The following CRY2 variants were observed in gnomAD, a reference collection of about 807,000 sequenced individuals.
The protein encoded by CRY2 is cryptochrome circadian regulator 2, also known as cryptochrome-2.
A neutral mutation model predicts 69.5 loss-of-function variants in CRY2; 31 were observed. The ratio of observed to expected loss-of-function variants is 0.45; its 90% confidence interval spans 0.34 to 0.60. The LOEUF is 0.60. Among genes scored for constraint, CRY2 ranks in the 20% least tolerant of loss-of-function variants. CRY2 has a pLI of 0.02. For synonymous variants in CRY2, 303 were observed against 312.2 expected (o/e 0.97, Z 0.31); for missense variants, 606 against 797.8 (o/e 0.76, Z 2.90).
intron 1 of CRY2, among the ~76,000 whole-genome samples, chr11:45,852,430 C>G (rs1317084339): frequency 6.6e-6 from 1 of 152,226 alleles, no homozygotes; most frequent in East Asian, 1.9e-4. Flanking sequence ...AGCCTTTGCC[C>G]AGTCGCAGCA....
In CRY2 at chr11:45,882,634, G is replaced by A. The variant is rs2086484719; in HGVS notation, c.*1723G>A. The A allele has an allele frequency of 7.5e-6, 3 of 399,110 alleles. No individual in the cohort carries two copies. The highest frequency in any genetic ancestry group is 3.6e-5 in the East Asian group (1 of 28,078). 24.7% of individuals were successfully genotyped at this position (399,110 alleles called of 1,614,324 possible). On this transcript the variant is annotated 3_prime_UTR_variant, in exon 12 of 12. Transcript: ENST00000616080. ...TCCCATCATCGTGGGAGGGGAGCAG[G>A]GCACAGGGGATGGTGTGCATTCAGA...
chr11:45,849,674 A>G (rs1399810427), intron 1 of CRY2, among the ~76,000 whole-genome samples: 2 of 146,804 alleles, frequency 1.4e-5, no homozygotes, highest in Admixed American at 6.9e-5. Flanking sequence ...AGGCTAGAGT[A>G]CAATGGCGCA....
chr11:45,864,257 A>C (rs1337807789), intron 5 of CRY2, among the ~76,000 whole-genome samples: 1 of 152,234 alleles, frequency 6.6e-6, no homozygotes, highest in African/African-American at 2.4e-5. Context: ...ATTCTTTCCC[A>C]GAACAATGGA....
rs188426374 is a variant in CRY2, at chr11:45,872,281, G to A, written c.*2+48G>A. ...CAACCTCAGGAAGGAAGTTGGGAGT[G>A]GGGGGGCCTACTGCCCTGCCAGCTG... On this transcript the variant is annotated intron_variant, in intron 11 of 11. Coordinates refer to ENST00000616080, the MANE Select transcript of CRY2 (RefSeq NM_021117.5). 9.0e-6 allele frequency: 14 copies of A among 1,555,978 alleles called. No homozygotes were observed. In the African/African-American group the frequency reaches 1.3e-4, roughly 14 times the overall value.
Position 45,872,160 on chromosome 11 carries a change from G to A in CRY2, c.1711G>A (p.Gly571Ser). 2 of 1,614,160 alleles carry A rather than the reference G, an allele frequency of 1.2e-6. No individual in the cohort carries two copies. Among genetic ancestry groups the A allele is most frequent in the Non-Finnish European group, 1.7e-6 (2 of 1,180,024 alleles). Residue 571 changes from glycine (G) to serine (S), a missense_variant, in exon 11 of 12, where the codon GGT (glycine) becomes AGT (serine). Physicochemically the swap from Gly to Ser is moderately conservative, Grantham distance 56. This residue lies in a region of CRY2 where 173 missense variants were observed against 213.7 expected (regional missense o/e 0.81). Coordinates refer to ENST00000616080, the MANE Select transcript of CRY2 (RefSeq NM_021117.5). ...RKLEAAEEPPGEELSKRARVA... is the reference protein window; with the variant it reads ...RKLEAAEEPPSEELSKRARVA... The stretch of plus-strand genomic sequence containing the variant: ...GCTGGAAGCAGCCGAGGAACCACCT[G>A]GTGAAGAACTCAGCAAACGGGCCCG...
chr11:45,870,904 T>G lies in CRY2; in HGVS notation c.1612T>G (p.Ser538Ala). 1 of 1,612,708 alleles carries G rather than the reference T, an allele frequency of 6.2e-7. No homozygotes were observed. The highest frequency in any genetic ancestry group is 8.5e-7 in the Non-Finnish European group (1 of 1,179,982). Residue 538 changes from serine (S) to alanine (A), a missense_variant, in exon 10 of 12, where the codon TCG becomes GCG. Ser to Ala is a moderately conservative substitution (Grantham distance 99, BLOSUM62 1). Coordinates refer to ENST00000616080, the MANE Select transcript of CRY2 (RefSeq NM_021117.5). ...CAGTCACCCTGTGGCAGAGCCCAGC[T>G]CGAGCCAGGCTGGCAGCATGAGCAG... ...DLSHPVAEPS[S>A]SQAGSMSSAG... is the part of the protein sequence containing the mutation.
In CRY2 at chr11:45,861,023, G is replaced by T; in HGVS notation, c.643G>T (p.Glu215Ter). 1.2e-6 allele frequency: 2 copies of T among 1,612,308 alleles called. No homozygotes were observed. The highest frequency in any genetic ancestry group is 1.7e-6 in the Non-Finnish European group (2 of 1,179,632). ...HDETYGVPSL[E>*]ELGFPTEGLG... ...CGAGACCTACGGCGTGCCCTCCCTG[G>T]AGGAGCTGGGTGCGTACTTCCTGCC... The change falls in exon 4 of 12, where the codon GAG becomes TAG. Residue 215 changes from glutamate (E) to a stop codon, truncating the protein, a stop_gained. Transcript: ENST00000616080. LOFTEE classifies it high-confidence loss of function.
At chr11:45,854,999 C>T (rs2086228387) in intron 1 of CRY2, among the ~76,000 whole-genome samples, 3 of 152,172 alleles carry the variant, frequency 2.0e-5, no homozygotes, top group Non-Finnish European at 2.9e-5. Context: ...ACCACTTTGT[C>T]ACTGGAATTT....
intron 2 of CRY2, among the ~76,000 whole-genome samples, chr11:45,856,599 A>G (rs1173807843): frequency 6.6e-6 from 1 of 152,228 alleles, no homozygotes; most frequent in Non-Finnish European, 1.5e-5. Context: ...GATCCAGGCC[A>G]TCCTGGCTAA....
At chr11:45,872,827 G>A (rs1590771965) in intron 11 of CRY2, among the ~76,000 whole-genome samples, 1 of 152,146 alleles carries the variant, frequency 6.6e-6, no homozygotes, top group African/African-American at 2.4e-5. Context: ...GGGAAAAGGC[G>A]CATTGCAGGG....
intron 1 of CRY2, among the ~76,000 whole-genome samples, chr11:45,849,057 C>T (rs753906726): frequency 6.6e-6 from 1 of 152,168 alleles, no homozygotes; most frequent in Non-Finnish European, 1.5e-5. Flanking sequence ...CCAGTCGGAG[C>T]CAGGCAAATG....
Position 45,882,708 on chromosome 11 carries a change from A to G in CRY2, c.*1797A>G, listed in dbSNP as rs1169515548. ...TTCCCTCAGCCCCAGTCGAGAGGAA[A>G]GAGAATCGGGCCACTGCCAGAAAGA... is the stretch of plus-strand genomic sequence containing the variant. On this transcript the variant is annotated 3_prime_UTR_variant, in exon 12 of 12. Coordinates refer to ENST00000616080, the MANE Select transcript of CRY2 (RefSeq NM_021117.5). The G allele has an allele frequency of 2.5e-6, 1 of 398,846 alleles. No individual in the cohort carries two copies. Among genetic ancestry groups the G allele is most frequent in the East Asian group, 3.6e-5 (1 of 28,082 alleles). 24.7% of individuals were successfully genotyped at this position (398,846 alleles called of 1,614,324 possible).
intron 11 of CRY2, among the ~76,000 whole-genome samples, chr11:45,878,486 G>T (rs577679348): frequency 6.6e-6 from 1 of 152,324 alleles, no homozygotes; most frequent in African/African-American, 2.4e-5. Flanking sequence ...AGCCCTGTGT[G>T]TGGAGTATAT....
At chr11:45,879,323 A>G (rs1267036645) in intron 11 of CRY2, among the ~76,000 whole-genome samples, 2 of 152,152 alleles carry the variant, frequency 1.3e-5, no homozygotes, top group African/African-American at 4.8e-5. Context: ...CAGATAAATT[A>G]TCATCAGATA....
At chr11:45,877,566 G>A (rs1317543003) in intron 11 of CRY2, among the ~76,000 whole-genome samples, 5 of 152,224 alleles carry the variant, frequency 3.3e-5, no homozygotes, top group South Asian at 2.1e-4. Context: ...GGAGACAGTC[G>A]TTAACGCTTT....
Position 45,882,549 on chromosome 11 carries a change from C to G in CRY2, c.*1638C>G, listed in dbSNP as rs2086484037. 2.5e-6 allele frequency: 1 copy of G among 398,818 alleles called. No homozygotes were observed. The highest frequency in any genetic ancestry group is 2.1e-5 in the African/African-American group (1 of 48,630). 24.7% of individuals were successfully genotyped at this position (398,818 alleles called of 1,614,324 possible). Reference sequence around the variant, plus strand: ...TTCCTGAGATATCCTCAGGTTTTCTCAGCCAGAGAGCTGCCTTTAGAGTCC... The same window carrying G: ...TTCCTGAGATATCCTCAGGTTTTCTGAGCCAGAGAGCTGCCTTTAGAGTCC... On this transcript the variant is annotated 3_prime_UTR_variant, in exon 12 of 12. Transcript: ENST00000616080.
intron 1 of CRY2, among the ~76,000 whole-genome samples, chr11:45,851,776 G>A (rs1411618336): frequency 3.3e-5 from 5 of 152,082 alleles, no homozygotes; most frequent in Non-Finnish European, 7.4e-5. Context: ...AATTACTTAG[G>A]AAAAATTAAT....
intron 10 of CRY2, 96 bp downstream of exon 10, chr11:45,871,030 G>A (rs2134645894): frequency 1.0e-6 from 1 of 994,820 alleles, no homozygotes; most frequent in East Asian, 2.6e-5. Flanking sequence ...TTGCCCAGTG[G>A]AGCTTATATT....
Position 45,869,741 on chromosome 11 carries a change from A to G in CRY2, c.1118A>G (p.His373Arg), listed in dbSNP as rs772182169. ...MTQLRQEGWI[H>R]HLARHAVACF... is the part of the protein sequence containing the mutation. ...CAACTGAGGCAGGAGGGCTGGATCC[A>G]CCACCTGGCCCGGCATGCCGTGGCC... is the stretch of plus-strand genomic sequence containing the variant. The change falls in exon 7 of 12, where the codon CAC becomes CGC. Residue 373 changes from histidine (H) to arginine (R), a missense_variant. Transcript: ENST00000616080. The G allele has an allele frequency of 6.2e-7, 1 of 1,613,922 alleles. No individual in the cohort carries two copies. Among genetic ancestry groups the G allele is most frequent in the African/African-American group, 1.3e-5 (1 of 75,060 alleles).
Sources: allele counts gnomAD v4.1 joint callset (sites outside exome capture counted in the v4.1 genomes callset), GRCh38; gene constraint gnomAD v4.1.1; regional missense constraint gnomAD v4.1.1; transcripts MANE v1.5; gene names NCBI Gene and HGNC (gene_info 2026-07-23, HGNC 2026-07-21).